PPRC1: variants seen among roughly 807,000 people sequenced by gnomAD.
The protein encoded by PPRC1 is peroxisome proliferator-activated receptor gamma coactivator-related protein 1.
In PPRC1, 23 loss-of-function variants were observed where a neutral mutation model predicts 132.5. That is an observed-to-expected ratio of 0.17 (90% CI 0.12 to 0.25). The LOEUF (loss-of-function observed/expected upper bound fraction) is 0.25, where lower values mean the gene tolerates loss of function less well. PPRC1 is among the 10% of genes least tolerant of loss of function. The pLI, the probability that PPRC1 is intolerant of heterozygous loss-of-function variation, is 1.00. For synonymous variants in PPRC1, 872 were observed against 833.5 expected, an observed-to-expected ratio of 1.05 and a Z score of -0.80; for missense variants, 2,006 against 2,089.1, an observed-to-expected ratio of 0.96 and a Z score of 0.78.
intron 8 of PPRC1, 134 bp from the exon 9 acceptor site, chr10:102,146,537 GA>G (rs1365711688): frequency 1.0e-4 from 130 of 1,280,944 alleles, no homozygotes; most frequent in Non-Finnish European, 9.8e-5. Context: ...GAAGCAGTGG[GA>G]AAAGTTGGGC....
Position 102,140,912 on chromosome 10 carries a change from G to C in PPRC1, c.2404G>C (p.Ala802Pro). Residue 802 changes from alanine (A) to proline (P), a missense_variant, in exon 5 of 14, where the codon GCC becomes CCC. This residue lies in a region of PPRC1 where 1,914 missense variants were observed against 1,917.2 expected (regional missense o/e 1.00). Coordinates refer to ENST00000278070, the MANE Select transcript of PPRC1 (RefSeq NM_015062.5). ...TTGTCTTGTCATCCCACCAGCCCCAGCCAAGAAGACAGCTCTGCAGAGAAG... is the reference window on the plus strand; with the variant it reads ...TTGTCTTGTCATCCCACCAGCCCCACCCAAGAAGACAGCTCTGCAGAGAAG... ...IPCLVIPPAPAKKTALQRSPE... is the reference protein window; with the variant it reads ...IPCLVIPPAPPKKTALQRSPE... The C allele has an allele frequency of 1.2e-6, 2 of 1,613,972 alleles. No homozygotes were observed. The highest frequency in any genetic ancestry group is 4.5e-5 in the East Asian group (2 of 44,860).
intron 2 of PPRC1, 81 bp from the exon 3 acceptor site, chr10:102,138,538 T>G: frequency 6.7e-7 from 1 of 1,503,232 alleles, no homozygotes; most frequent in Non-Finnish European, 9.0e-7. Context: ...GGGAGACTGA[T>G]TCTCTCGATA....
At chr10:102,132,658 C>T (rs1175925667), upstream of PPRC1, among the ~76,000 whole-genome samples, 2 of 152,238 alleles carry the variant, frequency 1.3e-5, no homozygotes, top group Non-Finnish European at 2.9e-5. Flanking sequence ...AAAACATATA[C>T]AGGCCCACTT....
intron 6 of PPRC1, among the ~76,000 whole-genome samples, chr10:102,143,598 C>CAA (rs774584823): frequency 1.4e-3 from 82 of 57,752 alleles, no homozygotes; most frequent in East Asian, 0.012. Context: ...GACTCTGTCT[C>CAA]AAAAAAAAAA....
chr10:102,148,728 C>T lies in PPRC1; in HGVS notation c.4617+34C>T, dbSNP rs750995237. On this transcript the variant is annotated intron_variant, in intron 11 of 13. Coordinates refer to ENST00000278070, the MANE Select transcript of PPRC1 (RefSeq NM_015062.5). The surrounding 1 kb of genome is among the most constrained non-coding windows in gnomAD (Gnocchi z 4.2). ...AGGAACAGATCATGGGAGGATGGGG[C>T]TTACCCCCTGAGCCTTGAGCTCAGA... 6.8e-6 allele frequency: 11 copies of T among 1,614,020 alleles called. No homozygotes were observed. The South Asian group carries it at 1.2e-4, about 18-fold the overall frequency.
Position 102,139,951 on chromosome 10 carries a change from A to G in PPRC1, c.1443A>G (p.Ser481=). ...CVEGYARRLR[S]SSRGQSTVGT... ...AAGGCTATGCCAGGAGGCTGAGGTC[A>G]TCTTCTCGCGGGCAGTCTACTGTAG... is the stretch of plus-strand genomic sequence containing the variant. The change falls in exon 5 of 14, where the codon TCA becomes TCG. Residue 481 remains serine, a synonymous_variant. Transcript: ENST00000278070. 1 of 1,614,208 alleles carries G rather than the reference A, an allele frequency of 6.2e-7. No homozygotes were observed. Among genetic ancestry groups the G allele is most frequent in the Middle Eastern group, 1.6e-4 (1 of 6,062 alleles).
At chr10:102,125,533 C>T in the PPRC1 span, among the ~76,000 whole-genome samples, 1 of 152,118 alleles carries the variant, frequency 6.6e-6, no homozygotes, top group East Asian at 1.9e-4. Flanking sequence ...GCTGGGATTA[C>T]AGGGGTGAGC....
intron 5 of PPRC1, among the ~76,000 whole-genome samples, 165 bp downstream of exon 5, chr10:102,142,169 TG>T (rs1381649898): frequency 6.6e-6 from 1 of 152,186 alleles, no homozygotes; most frequent in African/African-American, 2.4e-5. Flanking sequence ...TGGAGTGCAG[TG>T]GTGCAATCTC....
chr10:102,146,553 T>TA (rs2069252599), intron 8 of PPRC1, 119 bp from the exon 9 acceptor site: 3 of 1,405,680 alleles, frequency 2.1e-6, no homozygotes, highest in Non-Finnish European at 1.9e-6. Context: ...TTGGGCTGCT[T>TA]ACCTTGCTTG....
Position 102,140,253 on chromosome 10 carries a change from C to G in PPRC1, c.1745C>G (p.Ala582Gly). Residue 582 changes from alanine to glycine, a missense_variant, in exon 5 of 14, where the codon GCC (alanine) becomes GGC (glycine). This residue lies in a region of PPRC1 where 1,914 missense variants were observed against 1,917.2 expected (regional missense o/e 1.00). Transcript: ENST00000278070. ...THLSLVDSAQ[A>G]SPMPVDSVEA... is the part of the protein sequence containing the mutation. ...CTCTCATTGGTCGACTCTGCCCAAG[C>G]CAGCCCCATGCCAGTTGACTCTGTT... The G allele has an allele frequency of 6.2e-7, 1 of 1,614,256 alleles. No individual in the cohort carries two copies. Among genetic ancestry groups the G allele is most frequent in the Non-Finnish European group, 8.5e-7 (1 of 1,180,050 alleles).
In PPRC1 at chr10:102,147,358, A is replaced by G. The variant is rs1469459714; in HGVS notation, c.4366A>G (p.Arg1456Gly). ...GTCTTCCTCATCCCGATCTCGGTCC[A>G]GGTCCCTCTCCCCCCCACACAAGAG... Reference protein sequence around the residue: ...SSSSSSRSRSRSLSPPHKRWR... With the variant: ...SSSSSSRSRSGSLSPPHKRWR... Residue 1456 changes from arginine (R) to glycine (G), a missense_variant, in exon 9 of 14, where the codon AGG becomes GGG. Arg to Gly is a moderately radical substitution (Grantham distance 125). Transcript: ENST00000278070. 1.2e-5 allele frequency: 19 copies of G among 1,608,706 alleles called. No individual in the cohort carries two copies. The highest frequency in any genetic ancestry group is 6.7e-5 in the Admixed American group (4 of 60,000).
Position 102,140,285 on chromosome 10 carries a change from G to A in PPRC1, c.1777G>A (p.Asp593Asn). Residue 593 changes from aspartate to asparagine, a missense_variant, in exon 5 of 14, where the codon GAT becomes AAT. Asp to Asn is a conservative substitution (Grantham distance 23). Transcript: ENST00000278070. Reference protein sequence around the residue: ...SPMPVDSVEADPTAVGPVLAG... With the variant: ...SPMPVDSVEANPTAVGPVLAG... ...CATGCCAGTTGACTCTGTTGAAGCTGATCCCACTGCAGTTGGCCCTGTTCT... is the reference window on the plus strand; with the variant it reads ...CATGCCAGTTGACTCTGTTGAAGCTAATCCCACTGCAGTTGGCCCTGTTCT... The A allele has an allele frequency of 6.2e-7, 1 of 1,614,230 alleles. No homozygotes were observed. Among genetic ancestry groups the A allele is most frequent in the Non-Finnish European group, 8.5e-7 (1 of 1,180,044 alleles).
upstream of PPRC1, among the ~76,000 whole-genome samples, chr10:102,130,240 C>A (rs1008138902): frequency 6.6e-6 from 1 of 150,908 alleles, no homozygotes; most frequent in Non-Finnish European, 1.5e-5. Flanking sequence ...CATGGTGAAA[C>A]CCCATCTCTA....
At chr10:102,138,222 C>G (rs867914160) in intron 2 of PPRC1, among the ~76,000 whole-genome samples, 184 bp downstream of exon 2, 2 of 152,200 alleles carry the variant, frequency 1.3e-5, no homozygotes, top group African/African-American at 4.8e-5. Context: ...CAGATTATGT[C>G]CCATGTAAGA....
At chr10:102,143,598 CAAAAA>C (rs774584823) in intron 6 of PPRC1, among the ~76,000 whole-genome samples, 8 of 57,906 alleles carry the variant, frequency 1.4e-4, no homozygotes, top group Non-Finnish European at 2.6e-4. Context: ...GACTCTGTCT[CAAAAA>C]AAAAAAAAAA....
intron 1 of PPRC1, among the ~76,000 whole-genome samples, chr10:102,133,650 G>C (rs978399791): frequency 6.6e-6 from 1 of 152,004 alleles, no homozygotes; most frequent in African/African-American, 2.4e-5. Context: ...CATCCACGTG[G>C]GTCGGGCTCC....
rs760911654 is a variant in PPRC1 at position 102,133,082 on chromosome 10, G to T, written c.14G>T (p.Arg5Leu). Reference sequence around the variant, plus strand: ...TCAGGGGCCAAGATGGCGGCGCGCCGGGGACGGAGAGACGGAGTCGCGCCG... The same window carrying T: ...TCAGGGGCCAAGATGGCGGCGCGCCTGGGACGGAGAGACGGAGTCGCGCCG... MAAR[R>L]GRRDGVAPPP... The change falls in exon 1 of 14, where the codon CGG (arginine) becomes CTG (leucine). Residue 5 changes from arginine (R) to leucine (L), a missense_variant. Around this residue, in one of 2 missense-constraint regions of PPRC1, gnomAD observed 1,914 missense variants for 1,917.2 expected, o/e 1.00. Transcript: ENST00000278070. 38 of 1,242,576 alleles carry T rather than the reference G, an allele frequency of 3.1e-5. No homozygotes were observed. The highest frequency in any genetic ancestry group is 3.5e-5 in the Non-Finnish European group (35 of 988,000). 77.0% of individuals were successfully genotyped at this position (1,242,576 alleles called of 1,614,324 possible).
upstream of PPRC1, among the ~76,000 whole-genome samples, chr10:102,131,483 TC>T (rs1388228131): frequency 6.6e-6 from 1 of 152,190 alleles, no homozygotes; most frequent in Non-Finnish European, 1.5e-5. Flanking sequence ...ATGCAATATT[TC>T]TAAAGGGCAA....
rs1246866482 is a variant in PPRC1, at chr10:102,145,125, G to A, written c.3679+35G>A. ...GGGTGGGGAATTCTGCCTGTGATTAGTCTATGCAGCAACACTTGCTGAGCC... is the reference window on the plus strand; with the variant it reads ...GGGTGGGGAATTCTGCCTGTGATTAATCTATGCAGCAACACTTGCTGAGCC... On this transcript the variant is annotated intron_variant, in intron 8 of 13. Coordinates refer to ENST00000278070, the MANE Select transcript of PPRC1 (RefSeq NM_015062.5). 4 of 1,567,360 alleles carry A rather than the reference G, an allele frequency of 2.6e-6. No homozygotes were observed. The Admixed American group carries it at 5.0e-5, about 20-fold the overall frequency.
Sources: gnomAD v4.1 joint callset for allele counts (sites outside exome capture counted in the v4.1 genomes callset) on GRCh38, gnomAD v4.1.1 for gene constraint, gnomAD v4.1.1 regional missense constraint, Gnocchi (gnomAD v3.1) non-coding constraint, MANE v1.5 for transcripts, NCBI Gene and HGNC (gene_info 2026-07-23, HGNC 2026-07-21) for gene names.